The following C1orf87 variants were observed in gnomAD, a reference collection of about 807,000 sequenced individuals.
The protein encoded by C1orf87 is chromosome 1 open reading frame 87.
In C1orf87, 58 loss-of-function variants were observed where a neutral mutation model predicts 60.5. That is an observed-to-expected ratio of 0.96 (90% confidence interval 0.78 to 1.19). C1orf87 has a LOEUF of 1.19. Ranked by LOEUF, C1orf87 falls within the 50% of genes most tolerant of loss-of-function variation. The pLI is 0.00. For synonymous variants in C1orf87, 236 were observed against 227.4 expected, an observed-to-expected ratio of 1.04 and a Z score of -0.34; for missense variants, 673 against 638.6, an observed-to-expected ratio of 1.05 and a Z score of -0.58.
chr1:60,013,232 T>C (rs1645102134), intron 8 of C1orf87, among the ~76,000 whole-genome samples: 1 of 152,050 alleles, frequency 6.6e-6, no homozygotes, highest in African/African-American at 2.4e-5. Context: ...CCATTTTTTC[T>C]AGTTTTCTTT....
chr1:60,041,155 A>T, intron 3 of C1orf87, 24 bp from the exon 4 acceptor site: 1 of 1,518,428 alleles, frequency 6.6e-7, no homozygotes, highest in Non-Finnish European at 8.9e-7. Context: ...GGACAAAGGG[A>T]AGCAAGGAGC....
chr1:60,009,234 C>A (rs966903361), intron 9 of C1orf87, among the ~76,000 whole-genome samples: 2 of 151,852 alleles, frequency 1.3e-5, no homozygotes, highest in Non-Finnish European at 2.9e-5. Context: ...ATATAGAAGA[C>A]AGAAAGAAGA....
intron 9 of C1orf87, among the ~76,000 whole-genome samples, chr1:60,005,239 G>A (rs1645035518): frequency 6.6e-6 from 1 of 152,094 alleles, no homozygotes; most frequent in Non-Finnish European, 1.5e-5. Context: ...GGCAATGAAT[G>A]TTTTAGTTTC....
intron 2 of C1orf87, among the ~76,000 whole-genome samples, chr1:60,061,419 C>A (rs1246618809): frequency 6.6e-6 from 1 of 152,120 alleles, no homozygotes; most frequent in East Asian, 1.9e-4. Context: ...CCTTTACAGG[C>A]CAATACTTCT....
chr1:60,050,108 A>C (rs1465586244), intron 3 of C1orf87, among the ~76,000 whole-genome samples: 1 of 152,092 alleles, frequency 6.6e-6, no homozygotes, highest in East Asian at 1.9e-4. Context: ...TTGTTATTCC[A>C]AATTAACTTG....
Position 60,055,236 on chromosome 1 carries a change from C to T in C1orf87, c.310G>A (p.Gly104Arg). ...TCCAGGAATCTGCTACTGTTTGCCC[C>T]TGTTAGTAGTTTCTGGTTGTTTTCT... ...KSENNQKLLTGANSSRFLDGN... is the reference protein window; with the variant it reads ...KSENNQKLLTRANSSRFLDGN... Residue 104 changes from glycine (G) to arginine (R), a missense_variant, in exon 3 of 12, where the codon GGG (glycine) becomes AGG (arginine). Physicochemically the swap from Gly to Arg is moderately radical, Grantham distance 125 (BLOSUM62 -2). Coordinates refer to ENST00000371201, the MANE Select transcript of C1orf87 (RefSeq NM_152377.3). The T allele has an allele frequency of 6.2e-7, 1 of 1,614,044 alleles. No individual in the cohort carries two copies. The highest frequency in any genetic ancestry group is 8.5e-7 in the Non-Finnish European group (1 of 1,179,972).
intron 9 of C1orf87, among the ~76,000 whole-genome samples, chr1:60,004,379 C>T (rs1296264494): frequency 6.6e-6 from 1 of 151,920 alleles, no homozygotes; most frequent in Non-Finnish European, 1.5e-5. Context: ...TATTATGTGC[C>T]CTTAAGCAAA....
chr1:60,024,389 C>T (rs761744996), intron 8 of C1orf87, among the ~76,000 whole-genome samples: 3 of 152,060 alleles, frequency 2.0e-5, no homozygotes, highest in East Asian at 1.9e-4. Flanking sequence ...TACTCAATGC[C>T]GTATGTGTTA....
In C1orf87 at chr1:60,042,824, C is replaced by T. The variant is rs1574317516; in HGVS notation, c.343-1693G>A. ...ACAGTGATAAAAACAGACTCAGCCC[C>T]TGCTCTCACAGAGTTTGCTGATGGT... On this transcript the variant is annotated intron_variant, in intron 3 of 11. Transcript: ENST00000371201. 5.3e-5 allele frequency among the ~76,000 whole-genome samples: 8 copies of T among 152,334 alleles called. 3 individuals are homozygous for T. The highest frequency in any genetic ancestry group is 5.2e-4 in the Admixed American group (8 of 15,310).
chr1:60,041,109 T>C lies in C1orf87; in HGVS notation c.365A>G (p.His122Arg). ...GTCTCCGGTTGGTACAGAGCTGCAGTGGACATTTGCTTGACTGGGAATCTT... is the reference window on the plus strand; with the variant it reads ...GTCTCCGGTTGGTACAGAGCTGCAGCGGACATTTGCTTGACTGGGAATCTT... ...DGNIPSQANV[H>R]CSSVPTGDQS... The change falls in exon 4 of 12, where the codon CAC becomes CGC. Residue 122 changes from histidine (H) to arginine (R), a missense_variant. Coordinates refer to ENST00000371201, the MANE Select transcript of C1orf87 (RefSeq NM_152377.3). 1.9e-6 allele frequency: 3 copies of C among 1,586,308 alleles called. No homozygotes were observed. Among genetic ancestry groups the C allele is most frequent in the Non-Finnish European group, 2.6e-6 (3 of 1,161,112 alleles).
chr1:60,007,453 G>C (rs776856155), intron 9 of C1orf87, among the ~76,000 whole-genome samples: 2 of 151,858 alleles, frequency 1.3e-5, no homozygotes, highest in Non-Finnish European at 2.9e-5. Flanking sequence ...TCATTTTCTT[G>C]AACATATTAA....
At chr1:60,063,705 G>T (rs1278886010) in intron 2 of C1orf87, among the ~76,000 whole-genome samples, 3 of 152,088 alleles carry the variant, frequency 2.0e-5, no homozygotes. Flanking sequence ...TTTCTCTGTA[G>T]GTCTGTGGAG....
intron 3 of C1orf87, among the ~76,000 whole-genome samples, chr1:60,044,153 C>G (rs925408705): frequency 6.6e-6 from 1 of 152,170 alleles, no homozygotes; most frequent in African/African-American, 2.4e-5. Flanking sequence ...CCTCAGCCTC[C>G]CGAGTAGCTG....
intron 9 of C1orf87, among the ~76,000 whole-genome samples, chr1:60,006,954 C>T (rs1230162620): frequency 6.6e-6 from 1 of 151,756 alleles, no homozygotes; most frequent in Non-Finnish European, 1.5e-5. Flanking sequence ...CTCTTTTGCA[C>T]AAGCTGGAGT....
chr1:60,048,611 T>G (rs972103903), intron 3 of C1orf87, among the ~76,000 whole-genome samples: 4 of 152,186 alleles, frequency 2.6e-5, no homozygotes, highest in African/African-American at 9.7e-5. Flanking sequence ...TGTAAAACAT[T>G]TGCGTGGTTG....
At position 60,070,353 on chromosome 1, in the gene C1orf87, C is replaced by G. The variant is rs370780584; in HGVS notation, c.107+2184G>C. On this transcript the variant is annotated intron_variant, in intron 2 of 11. Coordinates refer to ENST00000371201, the MANE Select transcript of C1orf87 (RefSeq NM_152377.3). ...AATTCAAATTTTCATTTTGGAGAAGCCTTTATTTTTTGATGTTTACTTATG... is the reference window on the plus strand; with the variant it reads ...AATTCAAATTTTCATTTTGGAGAAGGCTTTATTTTTTGATGTTTACTTATG... Among the ~76,000 whole-genome samples, 50 of 152,086 alleles carry G rather than the reference C, an allele frequency of 3.3e-4. 1 individual carries two copies. The highest frequency in any genetic ancestry group is 9.2e-4 in the African/African-American group (38 of 41,510).
intron 2 of C1orf87, among the ~76,000 whole-genome samples, chr1:60,064,632 A>ATG (rs1491098371): frequency 1.9e-4 from 1 of 5,390 alleles, no homozygotes; most frequent in East Asian, 3.2e-3. Context: ...ATATATATAA[A>ATG]TATATATGAT....
chr1:60,056,134 C>G (rs1023464541), intron 2 of C1orf87, among the ~76,000 whole-genome samples: 1 of 152,042 alleles, frequency 6.6e-6, no homozygotes, highest in Non-Finnish European at 1.5e-5. Flanking sequence ...GTCCCAGCTA[C>G]TTGGGAGGCT....
At chr1:60,041,172 G>A in intron 3 of C1orf87, 41 bp from the exon 4 acceptor site, 1 of 1,452,598 alleles carries the variant, frequency 6.9e-7, no homozygotes, top group Non-Finnish European at 9.2e-7. Context: ...GAGCAGAAGA[G>A]GAGGTAGGGA....
Sources: gnomAD v4.1 joint callset for allele counts (sites outside exome capture counted in the v4.1 genomes callset) on GRCh38, gnomAD v4.1.1 for gene constraint, MANE v1.5 for transcripts, NCBI Gene and HGNC (gene_info 2026-07-23, HGNC 2026-07-21) for gene names.